The following MYO18A variants were observed in gnomAD, a reference collection of about 807,000 sequenced individuals.
The protein encoded by MYO18A is myosin XVIIIA.
A neutral mutation model predicts 235.8 loss-of-function variants in MYO18A; 78 were observed. The ratio of observed to expected loss-of-function variants is 0.33; its 90% CI spans 0.28 to 0.40. The LOEUF (loss-of-function observed/expected upper bound fraction) is 0.40. MYO18A is among the 10% of genes least tolerant of loss of function. The pLI is 1.00. For missense variants in MYO18A, 2,215 were observed against 2,699.3 expected (o/e 0.82, Z 3.98); for synonymous variants, 977 against 1,077.8 (o/e 0.91, Z 1.83).
Position 29,116,712 on chromosome 17 carries a change from C to T in MYO18A, c.2039-257G>A, listed in dbSNP as rs1314364763. On this transcript the variant is annotated intron_variant, in intron 10 of 41. Transcript: ENST00000527372. ...AGACATTTGTGCACATGTGTGTGTG[C>T]GCAAACACACCCTCCCCCCCCCCCC... Among the ~76,000 whole-genome samples the T allele has an allele frequency of 1.1e-3, 67 of 59,898 alleles. 1 individual carries two copies. The Admixed American group carries it at 0.013, about 12-fold the overall frequency. 39.3% of individuals were successfully genotyped at this position (59,898 alleles called of 152,430 possible). A position where few individuals can be genotyped will look rare whatever the true frequency, so the allele number is the denominator to read the frequency against.
intron 38 of MYO18A, 53 bp from the exon 39 acceptor site, chr17:29,086,630 T>C: frequency 2.5e-6 from 4 of 1,590,868 alleles, no homozygotes; most frequent in African/African-American, 1.3e-5. Context: ...CTCCCCTAGA[T>C]GGCCAGAAGA....
chr17:29,128,587 C>A lies in MYO18A; in HGVS notation c.1000-6334G>T. On this transcript the variant is annotated intron_variant, in intron 2 of 41. Coordinates refer to ENST00000527372, the MANE Select transcript of MYO18A (RefSeq NM_078471.4). ...CAGGTAGACATTAGCATCACCCCTGCAGCCCTGCCCATCCCATGCAGAGGG... is the reference window on the plus strand; with the variant it reads ...CAGGTAGACATTAGCATCACCCCTGAAGCCCTGCCCATCCCATGCAGAGGG... 3 of 1,181,984 alleles carry A rather than the reference C, an allele frequency of 2.5e-6. No individual in the cohort carries two copies. In the South Asian group the frequency reaches 4.6e-5, roughly 18 times the overall value. 73.2% of individuals were successfully genotyped at this position (1,181,984 alleles called of 1,614,324 possible).
chr17:29,129,019 C>T, intron 2 of MYO18A: 1 of 1,286,430 alleles, frequency 7.8e-7, no homozygotes, highest in Middle Eastern at 2.1e-4. Context: ...TCCATTCCTA[C>T]CACCAATCCC....
At chr17:29,089,045 CAAAA>C (rs34652243) in intron 37 of MYO18A, among the ~76,000 whole-genome samples, 3 of 103,444 alleles carry the variant, frequency 2.9e-5, no homozygotes, top group Admixed American at 1.1e-4. Flanking sequence ...GACCCTATCT[CAAAA>C]AAAAAAAAAA....
chr17:29,096,715 G>T, intron 28 of MYO18A, 46 bp downstream of exon 28: 1 of 1,525,576 alleles, frequency 6.6e-7, no homozygotes. Flanking sequence ...CCTGTCTGTG[G>T]CTGCTCCAGA....
chr17:29,160,851 C>T (rs1038240987), intron 2 of MYO18A, among the ~76,000 whole-genome samples: 5 of 152,244 alleles, frequency 3.3e-5, no homozygotes, highest in African/African-American at 9.6e-5. Flanking sequence ...CCTACCACAG[C>T]GACTAGACTT....
At chr17:29,134,180 C>T (rs2067540468) in intron 2 of MYO18A, among the ~76,000 whole-genome samples, 1 of 152,200 alleles carries the variant, frequency 6.6e-6, no homozygotes, top group African/African-American at 2.4e-5. Context: ...CGGCTCACTG[C>T]AGCCTCTGCC....
At chr17:29,095,103 G>A (rs367672822) in intron 28 of MYO18A, 44 bp from the exon 29 acceptor site, 3 of 1,489,102 alleles carry the variant, frequency 2.0e-6, no homozygotes, top group African/African-American at 2.8e-5. Context: ...GAAGAGCCAG[G>A]GTCCCCCACA....
intron 21 of MYO18A, among the ~76,000 whole-genome samples, chr17:29,101,997 C>G (rs1568064320): frequency 1.3e-5 from 2 of 152,200 alleles, no homozygotes; most frequent in Admixed American, 6.5e-5. Context: ...GAAGACCCCC[C>G]TCCTCTGAAG....
chr17:29,120,983 T>C lies in MYO18A; in HGVS notation c.1585+15A>G, dbSNP rs1342580802. On this transcript the variant is annotated intron_variant, in intron 6 of 41. Transcript: ENST00000527372. The surrounding 1 kb of genome is among the most constrained non-coding windows in gnomAD (Gnocchi z 4.2). ...CTCACCCCACTTTCAGTTTTCTCCC[T>C]TGTCCCTGCCTCACCAGAAAACACC... The C allele has an allele frequency of 6.2e-7, 1 of 1,603,238 alleles. No homozygotes were observed. The highest frequency in any genetic ancestry group is 2.3e-5 in the East Asian group (1 of 44,414).
intron 40 of MYO18A, among the ~76,000 whole-genome samples, chr17:29,083,607 A>G (rs1280861272): frequency 1.3e-5 from 2 of 151,958 alleles, no homozygotes; most frequent in Non-Finnish European, 2.9e-5. Flanking sequence ...CAACTCATAG[A>G]GAGGGGAATA....
chr17:29,114,503 T>C (rs572160674), intron 14 of MYO18A, among the ~76,000 whole-genome samples: 28 of 152,324 alleles, frequency 1.8e-4, no homozygotes, highest in African/African-American at 6.3e-4. Flanking sequence ...TTTCCAGTTC[T>C]CGTCCCATCC....
At position 29,122,264 on chromosome 17, in the gene MYO18A, G is replaced by A; in HGVS notation, c.1000-11C>T. On this transcript the variant is annotated splice_polypyrimidine_tract_variant and intron_variant, in intron 2 of 41. Transcript: ENST00000527372. ...TTCTTCTGTTTTCGCCTGTCAGAGA[G>A]AGAGAAGAATAAACAGGCCCTGCTA... 1 of 1,606,966 alleles carries A rather than the reference G, an allele frequency of 6.2e-7. No homozygotes were observed. The highest frequency in any genetic ancestry group is 8.5e-7 in the Non-Finnish European group (1 of 1,176,570).
chr17:29,111,979 A>G lies in MYO18A; in HGVS notation c.2599-116T>C, dbSNP rs1176014875. On this transcript the variant is annotated intron_variant, in intron 15 of 41. Coordinates refer to ENST00000527372, the MANE Select transcript of MYO18A (RefSeq NM_078471.4). The surrounding 1 kb of genome is among the most constrained non-coding windows in gnomAD (Gnocchi z 5.1). Reference sequence around the variant, plus strand: ...GCTACACATGTGCACACATGCACACACGCACATGCCGCAGCTCCTGCCGCT... The same window carrying G: ...GCTACACATGTGCACACATGCACACGCGCACATGCCGCAGCTCCTGCCGCT... 4 of 1,285,470 alleles carry G rather than the reference A, an allele frequency of 3.1e-6. No individual in the cohort carries two copies. Among genetic ancestry groups the G allele is most frequent in the Non-Finnish European group, 4.3e-6 (4 of 940,618 alleles). The allele number at this position is 1,285,470 out of a possible 1,614,324, so 79.6% of individuals were successfully genotyped here.
In MYO18A at chr17:29,158,946, C is replaced by A. The variant is rs2068116398; in HGVS notation, c.999+6996G>T. 6.6e-6 allele frequency among the ~76,000 whole-genome samples: 1 copy of A among 152,090 alleles called. No homozygotes were observed. Among genetic ancestry groups the A allele is most frequent in the African/African-American group, 2.4e-5 (1 of 41,402 alleles). On this transcript the variant is annotated intron_variant, in intron 2 of 41. Coordinates refer to ENST00000527372, the MANE Select transcript of MYO18A (RefSeq NM_078471.4). The surrounding 1 kb of genome is among the most constrained non-coding windows in gnomAD (Gnocchi z 4.3). ...GGCAGGGTGACTTGGGGTGTCAGGG[C>A]AGGCAGGAAGGGACCATGACAGGAA... is the stretch of plus-strand genomic sequence containing the variant.
chr17:29,091,089 G>A (rs1394855316), intron 34 of MYO18A, 163 bp from the exon 35 acceptor site: 7 of 605,608 alleles, frequency 1.2e-5, no homozygotes, highest in Non-Finnish European at 2.1e-5. Context: ...TGCCTGTCCC[G>A]CTCTGGACCA....
chr17:29,133,726 C>A, intron 2 of MYO18A: 1 of 1,146,618 alleles, frequency 8.7e-7, no homozygotes. Flanking sequence ...CTCCCACAAG[C>A]CAGTCTCCTG....
intron 41 of MYO18A, chr17:29,076,846 G>A (rs2065992783): frequency 2.6e-5 from 4 of 152,280 alleles, no homozygotes; most frequent in Admixed American, 2.6e-4. Context: ...AAGACAGTGG[G>A]GTTACTTTGT....
In MYO18A at chr17:29,166,544, G is replaced by C. The variant is rs754540253; in HGVS notation, c.397C>G (p.Gln133Glu). The C allele has an allele frequency of 6.2e-7, 1 of 1,613,842 alleles. No homozygotes were observed. Among genetic ancestry groups the C allele is most frequent in the Admixed American group, 1.7e-5 (1 of 60,022 alleles). ...KFGSLAKQNSQMIVKRFSFSQ... is the reference protein window; with the variant it reads ...KFGSLAKQNSEMIVKRFSFSQ... ...AAGGAAAAGCGCTTGACAATCATCTGTGAGTTCTGCTTGGCCAGTGAGCCG... is the reference window on the plus strand; with the variant it reads ...AAGGAAAAGCGCTTGACAATCATCTCTGAGTTCTGCTTGGCCAGTGAGCCG... The change falls in exon 2 of 42, where the codon CAG becomes GAG. Residue 133 changes from glutamine (Q) to glutamate (E), a missense_variant. By Grantham distance (29) the Gln-to-Glu change is conservative. Transcript: ENST00000527372.
Sources: allele counts gnomAD v4.1 joint callset (sites outside exome capture counted in the v4.1 genomes callset), GRCh38; gene constraint gnomAD v4.1.1; non-coding constraint Gnocchi (gnomAD v3.1); transcripts MANE v1.5; gene names NCBI Gene and HGNC (gene_info 2026-07-23, HGNC 2026-07-21).